PIK3C2A: variants seen among roughly 807,000 people sequenced by gnomAD.
PIK3C2A encodes phosphatidylinositol-4-phosphate 3-kinase catalytic subunit type 2 alpha.
PIK3C2A carries 97 observed loss-of-function variants against 204.5 expected under a neutral mutation model. The observed-to-expected ratio is 0.47, with a 90% CI of 0.40 to 0.56. The LOEUF (loss-of-function observed/expected upper bound fraction) is 0.56. Among genes scored for constraint, PIK3C2A ranks in the 20% least tolerant of loss-of-function variants. The pLI, the probability that PIK3C2A is intolerant of heterozygous loss-of-function variation, is 0.00. For missense variants in PIK3C2A, 1,735 were observed against 1,969.2 expected (o/e 0.88, Z 2.25); for synonymous variants, 653 against 664.4 (o/e 0.98, Z 0.26).
chr11:17,122,642 C>T (rs1217073224), intron 14 of PIK3C2A, 60 bp downstream of exon 14: 1 of 800,608 alleles, frequency 1.2e-6, no homozygotes, highest in South Asian at 1.5e-5. Flanking sequence ...GGTATACACA[C>T]ACACATTTTA....
chr11:17,139,064 C>A (rs564872544), intron 8 of PIK3C2A, among the ~76,000 whole-genome samples: 30 of 151,948 alleles, frequency 2.0e-4, no homozygotes, highest in Admixed American at 1.7e-3. Context: ...CCTGCCACCA[C>A]GCCCAGCTAA....
Position 17,135,013 on chromosome 11 carries a change from T to C in PIK3C2A, c.1914A>G (p.Glu638=). Residue 638 remains glutamate (E), a synonymous_variant, in exon 11 of 33, where the codon GAA becomes GAG. Transcript: ENST00000691414. The part of the protein sequence containing the change: ...RSSTRGSLNP[E]NPVQVSINQL... ...GGTTTATGCTTACTTGAACAGGATT[T>C]TCAGGATTAAGTGAGCCTAGATTAA... The C allele has an allele frequency of 6.2e-7, 1 of 1,613,982 alleles. No homozygotes were observed. The highest frequency in any genetic ancestry group is 8.5e-7 in the Non-Finnish European group (1 of 1,179,868).
chr11:17,183,504 C>A (rs1272860671), intron 1 of PIK3C2A, among the ~76,000 whole-genome samples: 1 of 151,796 alleles, frequency 6.6e-6, no homozygotes, highest in Non-Finnish European at 1.5e-5. Context: ...GGTGAAACCC[C>A]GTCTCTACTA....
chr11:17,189,783 A>C (rs983162374), intron 1 of PIK3C2A, among the ~76,000 whole-genome samples: 1 of 139,114 alleles, frequency 7.2e-6, no homozygotes, highest in Non-Finnish European at 1.5e-5. Flanking sequence ...ACTGCACTCC[A>C]GCCTGGGTCA....
intron 13 of PIK3C2A, among the ~76,000 whole-genome samples, chr11:17,124,521 T>C (rs1849461147): frequency 6.6e-6 from 1 of 150,726 alleles, no homozygotes; most frequent in Non-Finnish European, 1.5e-5. Context: ...AGTGGCACAA[T>C]ACATTTGGAT....
At chr11:17,203,249 T>C (rs1451398851) in intron 1 of PIK3C2A, among the ~76,000 whole-genome samples, 1 of 151,796 alleles carries the variant, frequency 6.6e-6, no homozygotes, top group Non-Finnish European at 1.5e-5. Flanking sequence ...TCCCAGCAGT[T>C]TGGGAGGCCA....
chr11:17,122,375 A>G (rs777144468), intron 14 of PIK3C2A, 42 bp from the exon 15 acceptor site: 1 of 1,233,758 alleles, frequency 8.1e-7, no homozygotes, highest in East Asian at 2.4e-5. Context: ...CAGTCTACGT[A>G]TTTGCCACAT....
chr11:17,169,160 T>G lies in PIK3C2A; in HGVS notation c.582A>C (p.Pro194=). Residue 194 remains proline, a synonymous_variant, in exon 2 of 33, where the codon CCA becomes CCC. Coordinates refer to ENST00000691414, the MANE Select transcript of PIK3C2A (RefSeq NM_002645.4). ...PIYLSLPGQS[P]YFSYPLTPAT... ...CAGGTGTCAAAGGATATGAGAAATATGGAGATTGTCCCGGAAGACTTAAAT... is the reference window on the plus strand; with the variant it reads ...CAGGTGTCAAAGGATATGAGAAATAGGGAGATTGTCCCGGAAGACTTAAAT... 1.9e-6 allele frequency: 3 copies of G among 1,613,968 alleles called. No homozygotes were observed. Among genetic ancestry groups the G allele is most frequent in the Non-Finnish European group, 2.5e-6 (3 of 1,179,918 alleles).
Position 17,102,687 on chromosome 11 carries a change from C to A in PIK3C2A, c.3826G>T (p.Ala1276Ser), listed in dbSNP as rs1165766958. 2 of 1,612,938 alleles carry A rather than the reference C, an allele frequency of 1.2e-6. No homozygotes were observed. Among genetic ancestry groups the A allele is most frequent in the African/African-American group, 2.7e-5 (2 of 74,886 alleles). The change falls in exon 24 of 33, where the codon GCA (alanine) becomes TCA (serine). Residue 1276 changes from alanine (A) to serine (S), a missense_variant. Physicochemically the swap from Ala to Ser is moderately conservative, Grantham distance 99. Around this residue, in one of 6 missense-constraint regions of PIK3C2A, gnomAD observed 503 missense variants for 669.0 expected, o/e 0.75. Transcript: ENST00000691414. ...CTTTTGAAGCTGCCAAACATCTGTG[C>A]ATGTCCCAAAAACTTTCCAAAGTCA... is the stretch of plus-strand genomic sequence containing the variant. ...HIDFGKFLGH[A>S]QMFGSFKRDR... is the part of the protein sequence containing the mutation.
At chr11:17,101,508 A>G in intron 24 of PIK3C2A, 74 bp from the exon 25 acceptor site, 1 of 760,382 alleles carries the variant, frequency 1.3e-6, no homozygotes, top group Admixed American at 3.0e-5. Context: ...ATGATTATTA[A>G]ACTAAGCTAT....
intron 1 of PIK3C2A, among the ~76,000 whole-genome samples, chr11:17,192,867 G>A (rs1313507497): frequency 6.6e-6 from 1 of 152,216 alleles, no homozygotes; most frequent in Non-Finnish European, 1.5e-5. Flanking sequence ...TGGTTTTAAT[G>A]TCCCCTCCAA....
chr11:17,101,290 G>A lies in PIK3C2A; in HGVS notation c.3996C>T (p.Asn1332=), dbSNP rs1848615187. 6.5e-7 allele frequency: 1 copy of A among 1,542,850 alleles called. No homozygotes were observed. Among genetic ancestry groups the A allele is most frequent in the Non-Finnish European group, 8.8e-7 (1 of 1,130,468 alleles). Residue 1332 remains asparagine (N), a synonymous_variant, in exon 25 of 33, where the codon AAC becomes AAT. Coordinates refer to ENST00000691414, the MANE Select transcript of PIK3C2A (RefSeq NM_002645.4). Reference sequence around the variant, plus strand: ...AAAGAATAGTTACCAGTGAAAGGAGGTTAAGAAAAAGGTTTGTCTGCTTTC... The same window carrying A: ...AAAGAATAGTTACCAGTGAAAGGAGATTAAGAAAAAGGTTTGTCTGCTTTC... ...LIRKQTNLFL[N]LLSLMIPSGL...
chr11:17,185,406 T>C (rs1320798886), intron 1 of PIK3C2A, among the ~76,000 whole-genome samples: 1 of 152,156 alleles, frequency 6.6e-6, no homozygotes, highest in Non-Finnish European at 1.5e-5. Context: ...ATGACAAAAT[T>C]GCCTACTGAT....
chr11:17,101,309 T>C lies in PIK3C2A; in HGVS notation c.3977A>G (p.Gln1326Arg). 6.4e-7 allele frequency: 1 copy of C among 1,564,412 alleles called. No homozygotes were observed. Among genetic ancestry groups the C allele is most frequent in the Non-Finnish European group, 8.7e-7 (1 of 1,145,720 alleles). The change falls in exon 25 of 33, where the codon CAG becomes CGG. Residue 1326 changes from glutamine (Q) to arginine (R), a missense_variant. Around this residue, in one of 6 missense-constraint regions of PIK3C2A, gnomAD observed 503 missense variants for 669.0 expected, o/e 0.75. Coordinates refer to ENST00000691414, the MANE Select transcript of PIK3C2A (RefSeq NM_002645.4). ...AAGGAGGTTAAGAAAAAGGTTTGTC[T>C]GCTTTCTTATCAAGTTGTAGGCCTG... ...CCQAYNLIRKQTNLFLNLLSL... is the reference protein window; with the variant it reads ...CCQAYNLIRKRTNLFLNLLSL...
intron 3 of PIK3C2A, among the ~76,000 whole-genome samples, chr11:17,151,464 A>G (rs1293928086): frequency 2.6e-5 from 4 of 152,218 alleles, no homozygotes; most frequent in Admixed American, 6.5e-5. Context: ...AGAGATTAAA[A>G]TAATCAGGTC....
At chr11:17,201,633 T>A (rs1481935600) in intron 1 of PIK3C2A, among the ~76,000 whole-genome samples, 2 of 152,058 alleles carry the variant, frequency 1.3e-5, no homozygotes, top group Non-Finnish European at 2.9e-5. Context: ...TCTCTGTGCA[T>A]TGAAATAACA....
At chr11:17,135,677 ATGTGTGTG>A (rs35017690) in intron 9 of PIK3C2A, among the ~76,000 whole-genome samples, 80,198 of 147,260 alleles carry the variant, frequency 0.54, 22,044 homozygotes, top group Middle Eastern at 0.65. Context: ...AATTTCATAT[ATGTGTGTG>A]TGTGTGTGTG....
intron 14 of PIK3C2A, 25 bp from the exon 15 acceptor site, chr11:17,122,358 C>G: frequency 6.9e-7 from 1 of 1,444,288 alleles, no homozygotes; most frequent in Non-Finnish European, 9.6e-7. Flanking sequence ...AGAAATTGAT[C>G]AAATTACAGT....
intron 4 of PIK3C2A, among the ~76,000 whole-genome samples, chr11:17,150,209 A>T (rs1329181232): frequency 6.6e-6 from 1 of 152,196 alleles, no homozygotes; most frequent in Non-Finnish European, 1.5e-5. Context: ...TTCCTGTCAT[A>T]AAATGAAGGA....
Sources: allele counts gnomAD v4.1 joint callset (sites outside exome capture counted in the v4.1 genomes callset), GRCh38; gene constraint gnomAD v4.1.1; regional missense constraint gnomAD v4.1.1; transcripts MANE v1.5; gene names NCBI Gene and HGNC (gene_info 2026-07-23, HGNC 2026-07-21).